Variants in GLYATL2 observed in about 807,000 individuals in gnomAD.
The protein encoded by GLYATL2 is glycine-N-acyltransferase like 2, also known as glycine N-acyltransferase-like protein 2.
GLYATL2 carries 25 observed loss-of-function variants against 21.4 expected under a neutral mutation model. The observed-to-expected ratio is 1.17, with a 90% CI of 0.85 to 1.63. GLYATL2 has a LOEUF of 1.63. Among genes scored for constraint, GLYATL2 ranks in the 40% most tolerant of loss-of-function variants. GLYATL2 has a pLI of 0.00. For synonymous variants in GLYATL2, 114 were observed against 118.2 expected (o/e 0.96, Z 0.23); for missense variants, 361 against 343.3 (o/e 1.05, Z -0.41).
intron 1 of GLYATL2, among the ~76,000 whole-genome samples, chr11:58,900,024 G>A (rs1248725702): frequency 6.6e-6 from 1 of 151,904 alleles, no homozygotes; most frequent in Non-Finnish European, 1.5e-5. Context: ...GGGGTGGGGG[G>A]AGATCGAAAC....
At chr11:58,897,664 A>G (rs1368343162) in intron 1 of GLYATL2, among the ~76,000 whole-genome samples, 1 of 152,130 alleles carries the variant, frequency 6.6e-6, no homozygotes, top group Admixed American at 6.6e-5. Context: ...TGTGCCCCCA[A>G]ACTCATGTGT....
chr11:58,907,313 C>G (rs187842365), upstream of GLYATL2: 5 of 456,318 alleles, frequency 1.1e-5, no homozygotes. Context: ...GAAATCTGGA[C>G]TTCCAATTGT....
At chr11:58,835,183 A>T (rs1853406212) in intron 5 of GLYATL2, among the ~76,000 whole-genome samples, 1 of 152,220 alleles carries the variant, frequency 6.6e-6, no homozygotes, top group Admixed American at 6.5e-5. Context: ...AATTTACTTG[A>T]AAGATGCATG....
At chr11:58,843,530 G>T (rs1250128244) in intron 1 of GLYATL2, among the ~76,000 whole-genome samples, 1 of 151,980 alleles carries the variant, frequency 6.6e-6, no homozygotes, top group African/African-American at 2.4e-5. Context: ...TTCAGGGCTG[G>T]TGTAGCAAAA....
intron 1 of GLYATL2, among the ~76,000 whole-genome samples, chr11:58,896,187 G>A (rs1125442): frequency 0.27 from 41,393 of 151,928 alleles, 6,274 homozygotes; most frequent in South Asian, 0.35. Flanking sequence ...ACCTGTGCAG[G>A]CGACATGGCA....
In GLYATL2 at chr11:58,837,191, A is replaced by C; in HGVS notation, c.314-14T>G. On this transcript the variant is annotated splice_polypyrimidine_tract_variant and intron_variant, in intron 4 of 5. Transcript: ENST00000287275. ...CCTCTTGGCAACCTGGAGAAAGGAG[A>C]AAGACAAGTACCACTTTATGCCTTC... is the stretch of plus-strand genomic sequence containing the variant. 1 of 1,613,328 alleles carries C rather than the reference A, an allele frequency of 6.2e-7. No individual in the cohort carries two copies.
At chr11:58,862,274 T>C (rs772415717) in intron 1 of GLYATL2, among the ~76,000 whole-genome samples, 7 of 152,186 alleles carry the variant, frequency 4.6e-5, no homozygotes, top group Non-Finnish European at 1.0e-4. Flanking sequence ...TTAATTAAAA[T>C]ATATCTTGTA....
At chr11:58,871,551 G>C (rs1854121174) in intron 1 of GLYATL2, among the ~76,000 whole-genome samples, 1 of 149,896 alleles carries the variant, frequency 6.7e-6, no homozygotes, top group African/African-American at 2.5e-5. Flanking sequence ...TTTTGTCCTT[G>C]TGATAGTTTG....
chr11:58,871,537 G>A (rs1169008770), intron 1 of GLYATL2, among the ~76,000 whole-genome samples: 1 of 147,570 alleles, frequency 6.8e-6, no homozygotes, highest in Non-Finnish European at 1.5e-5. Flanking sequence ...TGCAGTGTTT[G>A]GTTTTTTGTC....
intron 1 of GLYATL2, among the ~76,000 whole-genome samples, chr11:58,901,622 T>G (rs191825498): frequency 2.3e-3 from 351 of 151,016 alleles, no homozygotes; most frequent in Non-Finnish European, 4.0e-3. Flanking sequence ...AAGGTCTCCC[T>G]GCAAGATCCT....
intron 5 of GLYATL2, among the ~76,000 whole-genome samples, chr11:58,835,111 A>C: frequency 6.6e-6 from 1 of 152,210 alleles, no homozygotes; most frequent in Admixed American, 6.5e-5. Flanking sequence ...CCTAAGGAAG[A>C]AAATGAACAC....
chr11:58,836,927 G>A (rs1184854789), intron 5 of GLYATL2, 88 bp downstream of exon 5: 14 of 1,156,494 alleles, frequency 1.2e-5, no homozygotes, highest in Non-Finnish European at 1.6e-5. Context: ...TCATAATTTA[G>A]TCTCAAATCC....
In GLYATL2 at chr11:58,837,441, T is replaced by A. The variant is rs545188360; in HGVS notation, c.187-44A>T. On this transcript the variant is annotated intron_variant, in intron 3 of 5. Coordinates refer to ENST00000287275, the MANE Select transcript of GLYATL2 (RefSeq NM_145016.4). ...ATTATATTTACATAGCGCTACAATTTACAAAATGTTCTTGCATAGGTCTAG... is the reference window on the plus strand; with the variant it reads ...ATTATATTTACATAGCGCTACAATTAACAAAATGTTCTTGCATAGGTCTAG... 5.1e-6 allele frequency: 8 copies of A among 1,568,816 alleles called. No individual in the cohort carries two copies. In the African/African-American group the frequency reaches 5.4e-5, roughly 11 times the overall value.
At chr11:58,855,726 T>G (rs1281299320) in intron 1 of GLYATL2, among the ~76,000 whole-genome samples, 2 of 152,276 alleles carry the variant, frequency 1.3e-5, no homozygotes, top group African/African-American at 2.4e-5. Context: ...ATGGGGAATT[T>G]GTTGTTTGGT....
intron 1 of GLYATL2, among the ~76,000 whole-genome samples, chr11:58,852,691 C>A (rs1202227454): frequency 2.6e-5 from 4 of 152,214 alleles, no homozygotes; most frequent in Admixed American, 1.3e-4. Flanking sequence ...TATTCTTCTT[C>A]TAATTGCCAT....
At chr11:58,896,359 C>T (rs555151816) in intron 1 of GLYATL2, among the ~76,000 whole-genome samples, 22 of 152,302 alleles carry the variant, frequency 1.4e-4, no homozygotes, top group Admixed American at 1.1e-3. Context: ...AACCGCAACT[C>T]GCCCCAAACC....
intron 1 of GLYATL2, among the ~76,000 whole-genome samples, chr11:58,894,841 G>C (rs1314753346): frequency 6.6e-6 from 1 of 152,174 alleles, no homozygotes; most frequent in Non-Finnish European, 1.5e-5. Flanking sequence ...GTCTGAAAAA[G>C]AGAAGAAACA....
intron 1 of GLYATL2, among the ~76,000 whole-genome samples, chr11:58,855,950 C>A (rs1279944305): frequency 1.3e-5 from 2 of 151,754 alleles, no homozygotes; most frequent in African/African-American, 2.4e-5. Flanking sequence ...ATGGTGAAAC[C>A]CCATCTCTAC....
intron 1 of GLYATL2, among the ~76,000 whole-genome samples, chr11:58,877,735 A>G (rs1326074315): frequency 6.6e-6 from 1 of 152,230 alleles, no homozygotes; most frequent in African/African-American, 2.4e-5. Flanking sequence ...TTTCAGTAGA[A>G]TGGTAGCAGC....
Sources: allele counts gnomAD v4.1 joint callset (sites outside exome capture counted in the v4.1 genomes callset), GRCh38; gene constraint gnomAD v4.1.1; transcripts MANE v1.5; gene names NCBI Gene and HGNC (gene_info 2026-07-23, HGNC 2026-07-21).